Variants in HORMAD1 observed in about 807,000 individuals in gnomAD.
The protein encoded by HORMAD1 is HORMA domain containing 1.
In HORMAD1, 33 loss-of-function variants were observed where a neutral mutation model predicts 58.2. The observed-to-expected ratio is 0.57, with a 90% CI of 0.43 to 0.76. HORMAD1 has a LOEUF of 0.76. HORMAD1 is among the 30% of genes least tolerant of loss of function. The pLI is 0.00. For missense variants in HORMAD1, 363 were observed against 462.0 expected, an observed-to-expected ratio of 0.79 and a Z score of 1.96; for synonymous variants, 137 against 144.6, an observed-to-expected ratio of 0.95 and a Z score of 0.38.
chr1:150,718,082 A>G (rs987198125), intron 2 of HORMAD1, among the ~76,000 whole-genome samples: 4 of 152,242 alleles, frequency 2.6e-5, no homozygotes, highest in African/African-American at 9.6e-5. Context: ...ACACCCATAT[A>G]AAGTGTTTTT....
chr1:150,700,728 T>C, intron 13 of HORMAD1, among the ~76,000 whole-genome samples: 1 of 152,200 alleles, frequency 6.6e-6, no homozygotes, highest in East Asian at 1.9e-4. Flanking sequence ...ATGTGGACTT[T>C]TGTGAGTAAC....
In HORMAD1 at chr1:150,704,398, A is replaced by G. The variant is rs879199316; in HGVS notation, c.805-55T>C. The G allele has an allele frequency of 1.7e-5, 19 of 1,115,174 alleles. No individual in the cohort carries two copies. In the Admixed American group the frequency reaches 4.7e-4, roughly 27 times the overall value. The allele number at this position is 1,115,174 out of a possible 1,614,324, so 69.1% of individuals were successfully genotyped here. A position where few individuals can be genotyped will look rare whatever the true frequency, so the allele number is the denominator to read the frequency against. On this transcript the variant is annotated intron_variant, in intron 10 of 14. Coordinates refer to ENST00000361824, the MANE Select transcript of HORMAD1 (RefSeq NM_032132.5). ...CACATTTCAAAAAGGAACTAAAACA[A>G]CTGAGCAGAAAGCATTTATGAACAA...
At position 150,704,188 on chromosome 1, in the gene HORMAD1, C is replaced by T. The variant is rs1208991193; in HGVS notation, c.878G>A (p.Ser293Asn). ...AATTTCATCTTCCTCACAAACTAAA[C>T]TTGGTTCTGTAAAAAAAAAAAAAAA... ...NPASSELEEP[S>N]LVCEEDEIMR... Residue 293 changes from serine (S) to asparagine (N), a missense_variant, in exon 12 of 15, where the codon AGT (serine) becomes AAT (asparagine). Physicochemically the swap from Ser to Asn is conservative, Grantham distance 46 (BLOSUM62 1). This residue lies in a region of HORMAD1 where 226 missense variants were observed against 257.8 expected (regional missense o/e 0.88). Transcript: ENST00000361824. The T allele has an allele frequency of 2.7e-5, 42 of 1,533,620 alleles. No individual in the cohort carries two copies. The highest frequency in any genetic ancestry group is 3.5e-5 in the Non-Finnish European group (39 of 1,126,956).
intron 7 of HORMAD1, 101 bp downstream of exon 7, chr1:150,711,444 T>C: frequency 1.1e-6 from 1 of 884,314 alleles, no homozygotes; most frequent in South Asian, 1.5e-5. Context: ...AGTATATTGA[T>C]TAAAGCATAA....
chr1:150,702,411 C>T (rs928765190), intron 13 of HORMAD1, among the ~76,000 whole-genome samples: 1 of 152,122 alleles, frequency 6.6e-6, no homozygotes, highest in Non-Finnish European at 1.5e-5. Flanking sequence ...TCCCAGTAAT[C>T]CCATTACTAG....
intron 14 of HORMAD1, among the ~76,000 whole-genome samples, chr1:150,699,132 G>A (rs1176816282): frequency 3.3e-5 from 5 of 152,130 alleles, no homozygotes; most frequent in Non-Finnish European, 7.4e-5. Context: ...CTCTTGAGAC[G>A]TTAACATTTG....
chr1:150,707,294 C>T (rs1651724347), intron 9 of HORMAD1, among the ~76,000 whole-genome samples: 1 of 152,152 alleles, frequency 6.6e-6, no homozygotes, highest in Non-Finnish European at 1.5e-5. Flanking sequence ...TGAGCTCATA[C>T]CATTCCATAC....
At chr1:150,701,287 G>T (rs1222455674) in intron 13 of HORMAD1, among the ~76,000 whole-genome samples, 1 of 152,144 alleles carries the variant, frequency 6.6e-6, no homozygotes. Context: ...TGGCTAGGAT[G>T]AACATTTTGC....
chr1:150,712,287 A>C (rs1044406040), intron 5 of HORMAD1, among the ~76,000 whole-genome samples: 9 of 152,184 alleles, frequency 5.9e-5, no homozygotes, highest in African/African-American at 2.2e-4. Context: ...AAAATCATAG[A>C]AAATAATTTA....
chr1:150,718,338 T>C (rs1357421366), intron 2 of HORMAD1, among the ~76,000 whole-genome samples: 2 of 143,256 alleles, frequency 1.4e-5, no homozygotes, highest in Non-Finnish European at 3.0e-5. Flanking sequence ...CCACCATGCC[T>C]GGCTAATTTT....
chr1:150,706,524 G>A (rs1651695532), intron 10 of HORMAD1, 29 bp downstream of exon 10: 1 of 1,526,332 alleles, frequency 6.6e-7, no homozygotes, highest in South Asian at 1.2e-5. Context: ...TGTTATTATT[G>A]TTCTTTATAA....
intron 3 of HORMAD1, 105 bp downstream of exon 3, chr1:150,717,033 A>G: frequency 1.6e-6 from 1 of 623,992 alleles, no homozygotes; most frequent in East Asian, 3.1e-5. Context: ...GTATTAATAA[A>G]GCTTCTATTA....
chr1:150,710,412 T>C (rs1651839535), intron 7 of HORMAD1, among the ~76,000 whole-genome samples: 1 of 152,188 alleles, frequency 6.6e-6, no homozygotes, highest in South Asian at 2.1e-4. Context: ...TAGTTGTGAA[T>C]AAATATTCAC....
At position 150,704,194 on chromosome 1, in the gene HORMAD1, T is replaced by A; in HGVS notation, c.872A>T (p.Glu291Val). 1 of 1,563,398 alleles carries A rather than the reference T, an allele frequency of 6.4e-7. No individual in the cohort carries two copies. The highest frequency in any genetic ancestry group is 8.7e-7 in the Non-Finnish European group (1 of 1,154,782). Residue 291 changes from glutamate (E) to valine (V), a missense_variant and splice_region_variant, in exon 12 of 15, where the codon GAA becomes GTA. Glu to Val is a moderately radical substitution (Grantham distance 121). Around this residue, in one of 3 missense-constraint regions of HORMAD1, gnomAD observed 226 missense variants for 257.8 expected, o/e 0.88. Coordinates refer to ENST00000361824, the MANE Select transcript of HORMAD1 (RefSeq NM_032132.5). ...ATCTTCCTCACAAACTAAACTTGGT[T>A]CTGTAAAAAAAAAAAAAAAAAGTTA... ...EKNPASSELEEPSLVCEEDEI... is the reference protein window; with the variant it reads ...EKNPASSELEVPSLVCEEDEI...
chr1:150,718,519 T>G (rs147771156), intron 2 of HORMAD1, among the ~76,000 whole-genome samples: 144 of 152,274 alleles, frequency 9.5e-4, no homozygotes, highest in African/African-American at 3.1e-3. Flanking sequence ...ATGGATAGAT[T>G]ACATTGATTT....
At chr1:150,717,107 A>G in intron 3 of HORMAD1, 31 bp downstream of exon 3, 1 of 1,399,244 alleles carries the variant, frequency 7.1e-7, no homozygotes, top group Non-Finnish European at 9.7e-7. Context: ...TACCATTTTA[A>G]AAGAAAGCTT....
At chr1:150,718,716 C>T (rs1329274214) in intron 2 of HORMAD1, among the ~76,000 whole-genome samples, 1 of 152,098 alleles carries the variant, frequency 6.6e-6, no homozygotes, top group African/African-American at 2.4e-5. Context: ...CCTCCCCCTT[C>T]TGAGTTCAAG....
chr1:150,706,857 A>C, intron 9 of HORMAD1, 48 bp from the exon 10 acceptor site: 1 of 1,459,978 alleles, frequency 6.8e-7, no homozygotes, highest in South Asian at 1.4e-5. Flanking sequence ...ATTAAAGAAA[A>C]TATAATTATT....
intron 1 of HORMAD1, among the ~76,000 whole-genome samples, chr1:150,719,898 T>A (rs1156978366): frequency 6.6e-6 from 1 of 152,112 alleles, no homozygotes; most frequent in Non-Finnish European, 1.5e-5. Context: ...CTCTAAACTT[T>A]TTCAGTTTTA....
Sources: allele counts gnomAD v4.1 joint callset (sites outside exome capture counted in the v4.1 genomes callset), GRCh38; gene constraint gnomAD v4.1.1; regional missense constraint gnomAD v4.1.1; transcripts MANE v1.5; gene names NCBI Gene and HGNC (gene_info 2026-07-23, HGNC 2026-07-21).